The following LGALS9B variants were observed in gnomAD, a reference collection of about 807,000 sequenced individuals.
The protein encoded by LGALS9B is galectin-9B.
LGALS9B carries 8 observed loss-of-function variants against 35.9 expected under a neutral mutation model. The observed-to-expected ratio is 0.22, with a 90% CI of 0.13 to 0.40. The LOEUF (loss-of-function observed/expected upper bound fraction) is 0.40, where lower values mean the gene tolerates loss of function less well. Among genes scored for constraint, LGALS9B ranks in the 10% least tolerant of loss-of-function variants. The pLI is 1.00. For synonymous variants in LGALS9B, 42 were observed against 148.6 expected (o/e 0.28, Z 5.22); for missense variants, 101 against 397.9 (o/e 0.25, Z 6.35).
chr17:20,453,280 C>G, intron 6 of LGALS9B: 3 of 561,338 alleles, frequency 5.3e-6, no homozygotes, highest in Non-Finnish European at 9.9e-6. Context: ...TCTGGCCCAT[C>G]TTTCCTCTCG....
intron 1 of LGALS9B, among the ~76,000 whole-genome samples, chr17:20,463,676 AAAG>A (rs2042741319): frequency 1.9e-5 from 1 of 53,538 alleles, no homozygotes; most frequent in Non-Finnish European, 4.2e-5. Flanking sequence ...AAGAAAAGAA[AAAG>A]AAGACGGAAA....
chr17:20,463,292 C>T (rs1455062630), intron 1 of LGALS9B, among the ~76,000 whole-genome samples: 1 of 123,626 alleles, frequency 8.1e-6, no homozygotes, highest in Non-Finnish European at 1.7e-5. Context: ...AATCCTCCCA[C>T]CTCAGCCTCC....
intron 4 of LGALS9B, among the ~76,000 whole-genome samples, chr17:20,456,099 C>T (rs2042688720): frequency 6.6e-6 from 1 of 151,738 alleles, no homozygotes; most frequent in South Asian, 2.1e-4. Flanking sequence ...CATTGTGTGA[C>T]CTCTGATATC....
intron 1 of LGALS9B, among the ~76,000 whole-genome samples, chr17:20,464,093 G>GTTTGT (rs2042744004): frequency 1.1e-5 from 1 of 89,948 alleles, no homozygotes; most frequent in Non-Finnish European, 2.1e-5. Context: ...TGTTTGTTGT[G>GTTTGT]TTTTTTTTTT....
intron 1 of LGALS9B, among the ~76,000 whole-genome samples, chr17:20,466,539 A>G (rs2042764126): frequency 6.9e-6 from 1 of 144,152 alleles, no homozygotes; most frequent in Non-Finnish European, 1.5e-5. Flanking sequence ...GCAGGGTGAG[A>G]TCCTGTGACA....
chr17:20,454,642 C>A (rs2042673583), intron 5 of LGALS9B, among the ~76,000 whole-genome samples: 1 of 141,626 alleles, frequency 7.1e-6, no homozygotes, highest in African/African-American at 2.5e-5. Flanking sequence ...GGGGAGCATC[C>A]AACAATATTC....
intron 1 of LGALS9B, among the ~76,000 whole-genome samples, chr17:20,463,866 TC>T (rs1483453187): frequency 2.6e-5 from 3 of 114,228 alleles, no homozygotes; most frequent in Non-Finnish European, 5.5e-5. Context: ...CCCAGAAACA[TC>T]CACATTCGAA....
intron 1 of LGALS9B, among the ~76,000 whole-genome samples, chr17:20,464,095 T>G (rs1165026614): frequency 1.2e-5 from 1 of 85,250 alleles, no homozygotes; most frequent in African/African-American, 7.1e-5. Flanking sequence ...TTTGTTGTGT[T>G]TTTTTTTTTT....
intron 1 of LGALS9B, among the ~76,000 whole-genome samples, chr17:20,466,168 C>G (rs1324404961): frequency 2.0e-5 from 3 of 151,978 alleles, no homozygotes; most frequent in Non-Finnish European, 2.9e-5. Context: ...CGCCCAACAC[C>G]GGCAGCCCGT....
At chr17:20,454,454 C>T (rs2142413003) in intron 5 of LGALS9B, among the ~76,000 whole-genome samples, 1 of 152,276 alleles carries the variant, frequency 6.6e-6, no homozygotes, top group South Asian at 2.1e-4. Flanking sequence ...ATCCATTCTT[C>T]GAGTCCCTAG....
rs2042705280 is a variant in LGALS9B at position 20,458,513 on chromosome 17, C to A, written c.132-129G>T. 5.4e-6 allele frequency: 8 copies of A among 1,488,976 alleles called. No homozygotes were observed. In the South Asian group the frequency reaches 9.5e-5, roughly 18 times the overall value. 92.2% of individuals were successfully genotyped at this position (1,488,976 alleles called of 1,614,324 possible). On this transcript the variant is annotated intron_variant, in intron 2 of 10. Coordinates refer to ENST00000423676, the MANE Select transcript of LGALS9B (RefSeq NM_001367292.2). ...CATACAACCTGCGTGGCAGAGACTGCTTGGTTGGCATCGTTTTTGTTTCTC... is the reference window on the plus strand; with the variant it reads ...CATACAACCTGCGTGGCAGAGACTGATTGGTTGGCATCGTTTTTGTTTCTC...
rs1240577312 is a variant in LGALS9B at position 20,460,406 on chromosome 17, T to C, written c.77A>G (p.Gln26Arg). The C allele has an allele frequency of 1.9e-6, 3 of 1,603,722 alleles. No homozygotes were observed. The highest frequency in any genetic ancestry group is 4.5e-5 in the East Asian group (2 of 44,636). Residue 26 changes from glutamine (Q) to arginine (R), a missense_variant, in exon 2 of 11, where the codon CAG (glutamine) becomes CGG (arginine). Transcript: ENST00000423676. ...PFSGTIQGGL[Q>R]DGFQITVNGA... The stretch of plus-strand genomic sequence containing the variant: ...ATTGACAGTGATCTGAAATCCGTCC[T>C]GGAGACCCCCTTGGATAGTCCCAGA...
In LGALS9B at chr17:20,460,249, G is replaced by A. The variant is rs553031424; in HGVS notation, c.131+103C>T. On this transcript the variant is annotated intron_variant, in intron 2 of 10. Coordinates refer to ENST00000423676, the MANE Select transcript of LGALS9B (RefSeq NM_001367292.2). ...ATTGGGTCTCCCCTGCGCCAGGCAC[G>A]TGAGCTTGGATGTTGTTGTTTGAAC... 64 of 1,599,420 alleles carry A rather than the reference G, an allele frequency of 4.0e-5. 1 individual carries two copies. The highest frequency in any genetic ancestry group is 2.1e-4 in the South Asian group (19 of 90,886).
intron 1 of LGALS9B, among the ~76,000 whole-genome samples, chr17:20,464,093 GTTTTTT>G (rs59320210): frequency 3.0e-4 from 27 of 89,878 alleles, no homozygotes; most frequent in African/African-American, 1.4e-3. Flanking sequence ...TGTTTGTTGT[GTTTTTT>G]TTTTTTTTTT....
intron 1 of LGALS9B, among the ~76,000 whole-genome samples, chr17:20,464,250 CACCAT>C (rs2042746279): frequency 6.7e-6 from 1 of 150,240 alleles, no homozygotes; most frequent in Admixed American, 6.6e-5. Flanking sequence ...AGGCATGCAC[CACCAT>C]GCCTGGCTAA....
chr17:20,464,094 T>G (rs1400307229), intron 1 of LGALS9B, among the ~76,000 whole-genome samples: 10 of 75,628 alleles, frequency 1.3e-4, no homozygotes, highest in African/African-American at 7.8e-4. Context: ...GTTTGTTGTG[T>G]TTTTTTTTTT....
rs529498939 is a variant in LGALS9B, at chr17:20,456,090, A to T, written c.444+471T>A. Among the ~76,000 whole-genome samples the T allele has an allele frequency of 2.6e-5, 4 of 151,644 alleles. No homozygotes were observed. The South Asian group carries it at 8.4e-4, about 32-fold the overall frequency. ...ACCCTGGTGTGGGCCCAGGGGCGCC[A>T]TTGTGTGACCTCTGATATCTGTCTC... On this transcript the variant is annotated intron_variant, in intron 4 of 10. Transcript: ENST00000423676.
chr17:20,464,355 C>T (rs1324088315), intron 1 of LGALS9B, among the ~76,000 whole-genome samples: 5 of 144,268 alleles, frequency 3.5e-5, no homozygotes, highest in East Asian at 2.1e-4. Context: ...CCTGCCTCAG[C>T]TTCCCAAAGT....
chr17:20,454,830 T>G (rs71247637), intron 5 of LGALS9B, among the ~76,000 whole-genome samples: 58,194 of 144,140 alleles, frequency 0.4, 8,081 homozygotes, highest in Middle Eastern at 0.5. Flanking sequence ...CTTCGTGGGT[T>G]GGGGGTGAGG....
Sources: gnomAD v4.1 joint callset for allele counts (sites outside exome capture counted in the v4.1 genomes callset) on GRCh38, gnomAD v4.1.1 for gene constraint, MANE v1.5 for transcripts, NCBI Gene and HGNC (gene_info 2026-07-23, HGNC 2026-07-21) for gene names.